Variants in ARID1B observed in about 807,000 individuals in gnomAD.
ARID1B encodes AT-rich interactive domain-containing protein 1B.
ARID1B carries 30 observed loss-of-function variants against 212.3 expected under a neutral mutation model. The ratio of observed to expected loss-of-function variants is 0.14; its 90% CI spans 0.11 to 0.19. ARID1B has a LOEUF of 0.19. Ranked by LOEUF, ARID1B falls within the 10% of genes least tolerant of loss-of-function variation. The probability of loss-of-function intolerance (pLI) is 1.00; values close to 1 mark genes in which losing one functional copy is unlikely to be tolerated. For synonymous variants in ARID1B, 1,402 were observed against 1,301.7 expected (o/e 1.08, Z -1.66); for missense variants, 2,891 against 3,204.0 (o/e 0.90, Z 2.36).
At chr6:156,780,597 T>G (rs1213339862) in intron 1 of ARID1B, 1 of 152,220 alleles carries the variant, frequency 6.6e-6, no homozygotes, top group East Asian at 1.9e-4. Context: ...ACTGCTGATG[T>G]AAATAGAAGT....
intron 2 of ARID1B, among the ~76,000 whole-genome samples, chr6:156,839,471 A>T (rs1195477543): frequency 6.6e-6 from 1 of 152,184 alleles, no homozygotes; most frequent in Non-Finnish European, 1.5e-5. Context: ...TTTTCAACAC[A>T]TGAAATTTAG....
rs541654561 is a variant in ARID1B at position 157,078,490 on chromosome 6, T to C, written c.2248-6172T>C. On this transcript the variant is annotated intron_variant, in intron 4 of 19. Coordinates refer to ENST00000636930, the MANE Select transcript of ARID1B (RefSeq NM_001374828.1). The stretch of plus-strand genomic sequence containing the variant: ...CTAGTCTACGTAACTCCTGAGACTG[T>C]TAATAGTTGAAGAGTGGAGAATCTC... Among the ~76,000 whole-genome samples the C allele has an allele frequency of 2.0e-3, 311 of 152,332 alleles. 2 individuals are homozygous for C. Among genetic ancestry groups the C allele is most frequent in the African/African-American group, 7.3e-3 (302 of 41,574 alleles).
intron 4 of ARID1B, among the ~76,000 whole-genome samples, chr6:157,069,006 C>G (rs1235114559): frequency 6.6e-6 from 1 of 152,142 alleles, no homozygotes; most frequent in African/African-American, 2.4e-5. Context: ...CTGTGCAGTT[C>G]CTAACAACCA....
intron 4 of ARID1B, among the ~76,000 whole-genome samples, chr6:157,019,926 C>T (rs754194433): frequency 9.9e-5 from 15 of 152,190 alleles, no homozygotes; most frequent in Non-Finnish European, 1.9e-4. Context: ...CTGTCTTCCC[C>T]TTCATATGCA....
intron 8 of ARID1B, chr6:157,152,507 CTT>C (rs1249010799): frequency 1.3e-5 from 2 of 152,178 alleles, no homozygotes; most frequent in African/African-American, 4.8e-5. Context: ...TGAATTTTAA[CTT>C]TTATGTCTAC....
At chr6:157,042,740 C>A (rs1781972012) in intron 4 of ARID1B, among the ~76,000 whole-genome samples, 2 of 151,396 alleles carry the variant, frequency 1.3e-5, no homozygotes, top group Non-Finnish European at 2.9e-5. Context: ...CTCACTGCAG[C>A]CTCCACTTCC....
At chr6:157,127,179 A>G (rs547306973) in intron 6 of ARID1B, among the ~76,000 whole-genome samples, 23 of 152,352 alleles carry the variant, frequency 1.5e-4, no homozygotes, top group African/African-American at 5.1e-4. Flanking sequence ...AACCAGAATC[A>G]TAGACACCTA....
chr6:157,182,527 G>A (rs767702622), intron 12 of ARID1B, among the ~76,000 whole-genome samples: 11 of 152,130 alleles, frequency 7.2e-5, no homozygotes, highest in Admixed American at 1.3e-4. Flanking sequence ...CCAAGGTGGC[G>A]GGGGTCACTA....
chr6:156,967,933 A>G (rs187791907), intron 4 of ARID1B, among the ~76,000 whole-genome samples: 1 of 152,310 alleles, frequency 6.6e-6, no homozygotes, highest in East Asian at 1.9e-4. Context: ...TGTCATTGAT[A>G]TATGCAAAGT....
intron 4 of ARID1B, among the ~76,000 whole-genome samples, chr6:156,954,303 A>T (rs939787047): frequency 1.3e-5 from 2 of 152,008 alleles, no homozygotes; most frequent in Admixed American, 6.6e-5. Context: ...CTCACATGAG[A>T]TAGTAAAGGA....
intron 1 of ARID1B, among the ~76,000 whole-genome samples, chr6:156,804,005 G>A (rs1415089482): frequency 3.9e-5 from 6 of 152,096 alleles, no homozygotes; most frequent in East Asian, 1.9e-4. Flanking sequence ...TAGTTGTAAC[G>A]TTGAATTGCC....
At chr6:156,802,518 A>C (rs1780861035) in intron 1 of ARID1B, among the ~76,000 whole-genome samples, 1 of 152,204 alleles carries the variant, frequency 6.6e-6, no homozygotes, top group South Asian at 2.1e-4. Context: ...TAATTTAAGG[A>C]ATGTCCAGAG....
chr6:156,960,363 T>C (rs369522140), intron 4 of ARID1B, among the ~76,000 whole-genome samples: 3 of 152,240 alleles, frequency 2.0e-5, no homozygotes, highest in African/African-American at 7.2e-5. Flanking sequence ...AGTGCATTTC[T>C]CTGGACATTG....
Position 157,039,322 on chromosome 6 carries a change from C to CTTTTTTTTTTTT in ARID1B, c.2248-45332_2248-45321dup, listed in dbSNP as rs1003131791. Among the ~76,000 whole-genome samples the CTTTTTTTTTTTT allele has an allele frequency of 3.1e-3, 316 of 102,912 alleles. 38 individuals are homozygous for CTTTTTTTTTTTT. The highest frequency in any genetic ancestry group is 7.7e-3 in the African/African-American group (190 of 24,692). The allele number at this position is 102,912 out of a possible 152,430, so 67.5% of individuals were successfully genotyped here. On this transcript the variant is annotated intron_variant, in intron 4 of 19. Transcript: ENST00000636930. ...ATTAAAAATGGGAAATTTGACATTT[C>CTTTTTTTTTTTT]TTTTTTTTTTTTTTTTTTTGAGACG...
intron 4 of ARID1B, among the ~76,000 whole-genome samples, chr6:157,007,711 A>C (rs1195170293): frequency 6.6e-6 from 1 of 151,162 alleles, no homozygotes; most frequent in Non-Finnish European, 1.5e-5. Flanking sequence ...GCAATAGTTA[A>C]GGAAGCCCTA....
At chr6:157,119,407 C>T (rs1206723210) in intron 6 of ARID1B, among the ~76,000 whole-genome samples, 2 of 152,188 alleles carry the variant, frequency 1.3e-5, no homozygotes, top group Non-Finnish European at 1.5e-5. Flanking sequence ...CCTTATCCAG[C>T]CCCGGCTTCC....
intron 3 of ARID1B, among the ~76,000 whole-genome samples, chr6:156,929,620 A>G (rs542461041): frequency 2.0e-5 from 3 of 152,236 alleles, no homozygotes; most frequent in Non-Finnish European, 4.4e-5. Context: ...GATAATAACA[A>G]TGTGGCCATC....
At chr6:156,842,506 A>C (rs115430007) in intron 2 of ARID1B, among the ~76,000 whole-genome samples, 1 of 152,202 alleles carries the variant, frequency 6.6e-6, no homozygotes, top group Admixed American at 6.5e-5. Context: ...TTATCCATTC[A>C]TCCATTGATA....
intron 2 of ARID1B, among the ~76,000 whole-genome samples, chr6:156,878,545 G>T (rs1391032626): frequency 6.6e-6 from 1 of 152,172 alleles, no homozygotes; most frequent in Non-Finnish European, 1.5e-5. Context: ...TGTATTACTG[G>T]CTAATGAGTC....
Sources: gnomAD v4.1 joint callset for allele counts (sites outside exome capture counted in the v4.1 genomes callset) on GRCh38, gnomAD v4.1.1 for gene constraint, MANE v1.5 for transcripts, NCBI Gene and HGNC (gene_info 2026-07-23, HGNC 2026-07-21) for gene names.